SCD: variants seen among roughly 807,000 people sequenced by gnomAD.
SCD encodes the protein acyl-CoA desaturase.
A neutral mutation model predicts 35.7 loss-of-function variants in SCD; 4 were observed. That is an observed-to-expected ratio of 0.11 (90% CI 0.06 to 0.26). SCD has a LOEUF of 0.26. Ranked by LOEUF, SCD falls within the 10% of genes least tolerant of loss-of-function variation. SCD has a pLI of 1.00. For synonymous variants in SCD, 150 were observed against 170.2 expected, an observed-to-expected ratio of 0.88 and a Z score of 0.92; for missense variants, 282 against 460.7, an observed-to-expected ratio of 0.61 and a Z score of 3.55.
chr10:100,360,761 C>G lies in SCD; in HGVS notation c.908C>G (p.Ser303Cys). The change falls in exon 6 of 6, where the codon TCC becomes TGC. Residue 303 changes from serine to cysteine, a missense_variant. Ser to Cys is a moderately radical substitution (Grantham distance 112). Transcript: ENST00000370355. ...GAGGGCTTCCACAACTACCACCACT[C>G]CTTTCCCTATGACTACTCTGCCAGT... ...VGEGFHNYHH[S>C]FPYDYSASEY... is the part of the protein sequence containing the mutation. The G allele has an allele frequency of 6.2e-7, 1 of 1,614,018 alleles. No individual in the cohort carries two copies. The highest frequency in any genetic ancestry group is 8.5e-7 in the Non-Finnish European group (1 of 1,179,876).
chr10:100,353,702 G>C lies in SCD; in HGVS notation c.442-725G>C, dbSNP rs35810382. Among the ~76,000 whole-genome samples the C allele has an allele frequency of 1.0e-3, 159 of 152,300 alleles. 1 individual carries two copies. The highest frequency in any genetic ancestry group is 3.4e-4 in the Non-Finnish European group (23 of 68,034). On this transcript the variant is annotated intron_variant, in intron 3 of 5. Transcript: ENST00000370355. ...ATGATAGCATGTGGCGTTTGGCTTA[G>C]CTTGGAGCAAGAGGAAGAAAGGAAA...
chr10:100,357,340 C>T (rs1202044666), intron 5 of SCD, among the ~76,000 whole-genome samples: 5 of 152,212 alleles, frequency 3.3e-5, no homozygotes, highest in Non-Finnish European at 7.3e-5. Flanking sequence ...CAAGTATGCA[C>T]ACAAAGTATT....
rs12245399 is a variant in SCD at position 100,354,675 on chromosome 10, C to G, written c.647+43C>G. On this transcript the variant is annotated intron_variant, in intron 4 of 5. Coordinates refer to ENST00000370355, the MANE Select transcript of SCD (RefSeq NM_005063.5). The stretch of plus-strand genomic sequence containing the variant: ...GGAGGTGGGGATATGGCCCTGGCAC[C>G]TGGTCATTAGGGACCCCATTTTTTC... 0.018 allele frequency: 27,793 copies of G among 1,510,816 alleles called. 2,154 individuals carry two copies. The African/African-American group carries it at 0.23, about 12-fold the overall frequency. The allele number at this position is 1,510,816 out of a possible 1,614,324, so 93.6% of individuals were successfully genotyped here. A position where few individuals can be genotyped will look rare whatever the true frequency, so the allele number is the denominator to read the frequency against.
rs1036295148 is a variant in SCD, at chr10:100,361,997, G to A, written c.*1064G>A. On this transcript the variant is annotated 3_prime_UTR_variant, in exon 6 of 6. Transcript: ENST00000370355. Reference sequence around the variant, plus strand: ...GGGAAGGATTTAAGGAGGTGAAGTCGGGTCAAAAATAAAATATATATACAT... The same window carrying A: ...GGGAAGGATTTAAGGAGGTGAAGTCAGGTCAAAAATAAAATATATATACAT... 8 of 152,104 alleles carry A rather than the reference G, an allele frequency of 5.3e-5. No individual in the cohort carries two copies. The East Asian group carries it at 5.8e-4, about 11-fold the overall frequency. The allele number at this position is 152,104 out of a possible 1,614,324, so 9.4% of individuals were successfully genotyped here. A position where few individuals can be genotyped will look rare whatever the true frequency, so the allele number is the denominator to read the frequency against.
At chr10:100,347,700 T>A (rs572079398) in intron 1 of SCD, among the ~76,000 whole-genome samples, 169 bp downstream of exon 1, 2 of 152,316 alleles carry the variant, frequency 1.3e-5, no homozygotes, top group African/African-American at 4.8e-5. Flanking sequence ...ATTTGGGGAC[T>A]TGAGTCTCCA....
At chr10:100,359,548 TC>T (rs1849967756) in intron 5 of SCD, among the ~76,000 whole-genome samples, 1 of 152,208 alleles carries the variant, frequency 6.6e-6, no homozygotes, top group South Asian at 2.1e-4. Context: ...ACATTAATAA[TC>T]CTCAGTACCT....
At chr10:100,348,580 T>A (rs1445500001) in intron 2 of SCD, among the ~76,000 whole-genome samples, 1 of 112,768 alleles carries the variant, frequency 8.9e-6, no homozygotes, top group Non-Finnish European at 1.8e-5. Context: ...CTTGTGGGCT[T>A]TGAAGTGTGC....
At position 100,356,954 on chromosome 10, in the gene SCD, G is replaced by A. The variant is rs574804255; in HGVS notation, c.880+190G>A. Among the ~76,000 whole-genome samples the A allele has an allele frequency of 6.6e-6, 1 of 152,346 alleles. No individual in the cohort carries two copies. The highest frequency in any genetic ancestry group is 2.4e-5 in the African/African-American group (1 of 41,594). The stretch of plus-strand genomic sequence containing the variant: ...CAGGCAACATGTTTTATGTAAAAAT[G>A]AAAGGATAAGAAACAAAACACAAAA... On this transcript the variant is annotated intron_variant, in intron 5 of 5. Coordinates refer to ENST00000370355, the MANE Select transcript of SCD (RefSeq NM_005063.5). The surrounding 1 kb of genome is among the most constrained non-coding windows in gnomAD (Gnocchi z 4.1).
chr10:100,350,362 A>G (rs1849857938), intron 2 of SCD, among the ~76,000 whole-genome samples: 1 of 152,096 alleles, frequency 6.6e-6, no homozygotes, highest in South Asian at 2.1e-4. Flanking sequence ...TAAATTAGCA[A>G]CTGGTCGTGA....
chr10:100,352,663 G>A lies in SCD; in HGVS notation c.441+167G>A, dbSNP rs1849884189. ...TTCAGTCCTTAAGTCCATAAAGCATGAAGAGACTTCTGAGTCTTGGAAAAG... is the reference window on the plus strand; with the variant it reads ...TTCAGTCCTTAAGTCCATAAAGCATAAAGAGACTTCTGAGTCTTGGAAAAG... On this transcript the variant is annotated intron_variant, in intron 3 of 5. Coordinates refer to ENST00000370355, the MANE Select transcript of SCD (RefSeq NM_005063.5). The surrounding 1 kb of genome is among the most constrained non-coding windows in gnomAD (Gnocchi z 4.2). 6.6e-6 allele frequency among the ~76,000 whole-genome samples: 1 copy of A among 152,206 alleles called. No homozygotes were observed. Among genetic ancestry groups the A allele is most frequent in the Admixed American group, 6.5e-5 (1 of 15,276 alleles).
At chr10:100,349,760 T>C (rs1301448988) in intron 2 of SCD, among the ~76,000 whole-genome samples, 1 of 151,868 alleles carries the variant, frequency 6.6e-6, no homozygotes, top group Non-Finnish European at 1.5e-5. Flanking sequence ...CAGGAAGAGC[T>C]CTTGTATTTG....
intron 3 of SCD, among the ~76,000 whole-genome samples, chr10:100,353,437 T>C (rs1464207282): frequency 2.6e-5 from 4 of 151,950 alleles, no homozygotes; most frequent in Non-Finnish European, 5.9e-5. Flanking sequence ...TACAAAAAAT[T>C]AGCCAGGCGT....
At chr10:100,354,686 G>A (rs1849909556) in intron 4 of SCD, 54 bp downstream of exon 4, 1 of 1,395,118 alleles carries the variant, frequency 7.2e-7, no homozygotes, top group African/African-American at 1.4e-5. Flanking sequence ...TGGTCATTAG[G>A]GACCCCATTT....
intron 2 of SCD, 46 bp downstream of exon 2, chr10:100,348,392 C>T (rs1311475808): frequency 6.4e-7 from 1 of 1,568,174 alleles, no homozygotes; most frequent in East Asian, 2.2e-5. Flanking sequence ...CAGGTACTCA[C>T]TGCTCTTTTA....
chr10:100,348,790 A>G (rs1028624218), intron 2 of SCD, among the ~76,000 whole-genome samples: 2 of 152,118 alleles, frequency 1.3e-5, no homozygotes, highest in African/African-American at 4.8e-5. Flanking sequence ...TCAGGGAGAG[A>G]GTTTATTGGA....
At position 100,352,940 on chromosome 10, in the gene SCD, A is replaced by G. The variant is rs1445997031; in HGVS notation, c.441+444A>G. On this transcript the variant is annotated intron_variant, in intron 3 of 5. Coordinates refer to ENST00000370355, the MANE Select transcript of SCD (RefSeq NM_005063.5). The surrounding 1 kb of genome is among the most constrained non-coding windows in gnomAD (Gnocchi z 4.2). ...GAGTTTGAAGCTGCAGTGAGCCATG[A>G]TATCACCACTGCACTCCAGCCTGGG... Among the ~76,000 whole-genome samples, 2 of 152,072 alleles carry G rather than the reference A, an allele frequency of 1.3e-5. No homozygotes were observed. Among genetic ancestry groups the G allele is most frequent in the East Asian group, 3.9e-4 (2 of 5,174 alleles).
In SCD at chr10:100,361,198, C is replaced by A; in HGVS notation, c.*265C>A. ...CACTTTATTGCTATCGCCCTCCTTT[C>A]CCTTATTGCCTCCCAGGCAAGCAGC... is the stretch of plus-strand genomic sequence containing the variant. On this transcript the variant is annotated 3_prime_UTR_variant, in exon 6 of 6. Coordinates refer to ENST00000370355, the MANE Select transcript of SCD (RefSeq NM_005063.5). 4.5e-6 allele frequency: 2 copies of A among 442,856 alleles called. No individual in the cohort carries two copies. Among genetic ancestry groups the A allele is most frequent in the Non-Finnish European group, 8.2e-6 (2 of 245,266 alleles). 27.4% of individuals were successfully genotyped at this position (442,856 alleles called of 1,614,324 possible).
chr10:100,355,208 G>C (rs558812733), intron 4 of SCD, among the ~76,000 whole-genome samples: 1 of 152,208 alleles, frequency 6.6e-6, no homozygotes, highest in African/African-American at 2.4e-5. Flanking sequence ...CAAGTATCCA[G>C]ATAACCATGG....
At position 100,363,797 on chromosome 10, in the gene SCD, T is replaced by G. The variant is rs1564627547; in HGVS notation, c.*2864T>G. 1 of 152,538 alleles carries G rather than the reference T, an allele frequency of 6.6e-6. No individual in the cohort carries two copies. Among genetic ancestry groups the G allele is most frequent in the East Asian group, 1.9e-4 (1 of 5,184 alleles). The allele number at this position is 152,538 out of a possible 1,614,324, so 9.4% of individuals were successfully genotyped here. A position where few individuals can be genotyped will look rare whatever the true frequency, so the allele number is the denominator to read the frequency against. On this transcript the variant is annotated 3_prime_UTR_variant, in exon 6 of 6. Transcript: ENST00000370355. Reference sequence around the variant, plus strand: ...TTCAAGTGACACATTAATGATAAACTCAGATCTGATCAAGAGTCCGGATTT... The same window carrying G: ...TTCAAGTGACACATTAATGATAAACGCAGATCTGATCAAGAGTCCGGATTT...
Sources: gnomAD v4.1 joint callset for allele counts (sites outside exome capture counted in the v4.1 genomes callset) on GRCh38, gnomAD v4.1.1 for gene constraint, Gnocchi (gnomAD v3.1) non-coding constraint, MANE v1.5 for transcripts, NCBI Gene and HGNC (gene_info 2026-07-23, HGNC 2026-07-21) for gene names.